The following ZNF556 variants were observed in gnomAD, a reference collection of about 807,000 sequenced individuals.
ZNF556 encodes the protein zinc finger protein 556.
A neutral mutation model predicts 13.6 loss-of-function variants in ZNF556; 11 were observed. That is an observed-to-expected ratio of 0.81 (90% CI 0.51 to 1.33). The LOEUF (loss-of-function observed/expected upper bound fraction) is 1.33, where lower values mean the gene tolerates loss of function less well. Among genes scored for constraint, ZNF556 ranks in the 40% most tolerant of loss-of-function variants. The pLI is 0.00. For synonymous variants in ZNF556, 229 were observed against 207.8 expected (o/e 1.10, Z -0.88); for missense variants, 633 against 566.2 (o/e 1.12, Z -1.20).
chr19:2,870,087 C>T (rs771738886), intron 1 of ZNF556, among the ~76,000 whole-genome samples: 20 of 152,254 alleles, frequency 1.3e-4, no homozygotes, highest in Admixed American at 3.3e-4. Flanking sequence ...ATACTACATT[C>T]GCCATGATTA....
At chr19:2,867,470 G>A (rs1435702923) in intron 1 of ZNF556, 46 bp downstream of exon 1, 2 of 1,571,386 alleles carry the variant, frequency 1.3e-6, no homozygotes, top group South Asian at 1.2e-5. Context: ...CCCTGGGAGG[G>A]GAGGGTTGGA....
rs747122094 is a variant in ZNF556 at position 2,877,735 on chromosome 19, T to TACG, written c.777_778insACG (p.Tyr259_Glu260insThr). 2 of 1,613,392 alleles carry TACG rather than the reference T, an allele frequency of 1.2e-6. No individual in the cohort carries two copies. Among genetic ancestry groups the TACG allele is most frequent in the East Asian group, 4.5e-5 (2 of 44,804 alleles). ...TGATGCACGCCGGAGGGAGACCGTA[T>TACG]GAGTGCAAGCACTGTGGGAAAGCCT... On this transcript the variant is annotated inframe_insertion, in exon 4 of 4. Transcript: ENST00000307635.
chr19:2,871,880 G>C (rs889728805), intron 1 of ZNF556, among the ~76,000 whole-genome samples: 1 of 152,214 alleles, frequency 6.6e-6, no homozygotes, highest in East Asian at 1.9e-4. Context: ...AGGATAAGGA[G>C]TGTGAGCCAT....
intron 1 of ZNF556, among the ~76,000 whole-genome samples, chr19:2,872,081 C>T (rs482730): frequency 0.57 from 86,398 of 151,826 alleles, 26,145 homozygotes; most frequent in African/African-American, 0.79. Flanking sequence ...GCCAGGTGTA[C>T]AGGATGGAAC....
At chr19:2,872,156 G>A (rs543712212) in intron 1 of ZNF556, among the ~76,000 whole-genome samples, 39 of 152,228 alleles carry the variant, frequency 2.6e-4, no homozygotes, top group Middle Eastern at 3.4e-3. Flanking sequence ...TAGGCCTCGG[G>A]ATAACTGCGG....
chr19:2,869,421 C>T (rs1205767554), intron 1 of ZNF556, among the ~76,000 whole-genome samples: 2 of 152,090 alleles, frequency 1.3e-5, no homozygotes, highest in African/African-American at 4.8e-5. Context: ...CGCTGGAGTG[C>T]AGTGGCGCGA....
intron 1 of ZNF556, among the ~76,000 whole-genome samples, chr19:2,868,072 A>G (rs1289155467): frequency 6.6e-6 from 1 of 152,164 alleles, no homozygotes; most frequent in African/African-American, 2.4e-5. Context: ...CTCGTCTTAC[A>G]TTCCATTTGT....
At chr19:2,875,526 C>A in intron 2 of ZNF556, 1 of 164,814 alleles carries the variant, frequency 6.1e-6, no homozygotes, top group South Asian at 1.5e-4. Context: ...ACTGTGTGCT[C>A]CCTTTGGTTC....
At chr19:2,868,100 CT>C (rs973764525) in intron 1 of ZNF556, among the ~76,000 whole-genome samples, 30 of 149,106 alleles carry the variant, frequency 2.0e-4, no homozygotes, top group Non-Finnish European at 2.8e-4. Context: ...TCTAGCGTGC[CT>C]TTTTTTTTTC....
At chr19:2,873,465 T>A (rs1167690194) in intron 1 of ZNF556, 31 bp from the exon 2 acceptor site, 6 of 1,611,468 alleles carry the variant, frequency 3.7e-6, no homozygotes, top group Non-Finnish European at 5.1e-6. Flanking sequence ...TTTTACCCCA[T>A]CCTCATGTAC....
At chr19:2,868,363 C>G (rs2087774820) in intron 1 of ZNF556, among the ~76,000 whole-genome samples, 1 of 152,154 alleles carries the variant, frequency 6.6e-6, no homozygotes. Flanking sequence ...CAGTTATTCT[C>G]CTTTTCCAGG....
intron 2 of ZNF556, chr19:2,875,477 G>A (rs949623572): frequency 2.6e-5 from 4 of 153,246 alleles, no homozygotes; most frequent in African/African-American, 4.8e-5. Context: ...ACAGGCGTGA[G>A]CCACTGCGCC....
chr19:2,873,450 G>A, intron 1 of ZNF556, 46 bp from the exon 2 acceptor site: 1 of 1,605,974 alleles, frequency 6.2e-7, no homozygotes, highest in Non-Finnish European at 8.5e-7. Flanking sequence ...CCGCAGTGCT[G>A]TGAGTTTTAC....
intron 1 of ZNF556, among the ~76,000 whole-genome samples, chr19:2,867,901 G>A (rs1190105748): frequency 2.6e-5 from 4 of 152,106 alleles, no homozygotes; most frequent in African/African-American, 4.8e-5. Flanking sequence ...CCCGCAGGCC[G>A]GACTCCAGCC....
chr19:2,880,702 G>A lies in ZNF556; in HGVS notation c.*2373G>A, dbSNP rs1214451416. 1 of 112,984 alleles carries A rather than the reference G, an allele frequency of 8.9e-6. No homozygotes were observed. The highest frequency in any genetic ancestry group is 2.1e-5 in the Non-Finnish European group (1 of 48,634). 7.0% of individuals were successfully genotyped at this position (112,984 alleles called of 1,614,324 possible). A position where few individuals can be genotyped will look rare whatever the true frequency, so the allele number is the denominator to read the frequency against. On this transcript the variant is annotated 3_prime_UTR_variant, in exon 4 of 4. Coordinates refer to ENST00000307635, the MANE Select transcript of ZNF556 (RefSeq NM_024967.3). ...GAGAATGGCTTGAACCTGGGAGGCG[G>A]AGCTTGCCAAGATTGCGACACTGCA...
At position 2,877,447 on chromosome 19, in the gene ZNF556, A is replaced by G. The variant is rs191337289; in HGVS notation, c.489A>G (p.Ile163Met). The change falls in exon 4 of 4, where the codon ATA (isoleucine) becomes ATG (methionine). Residue 163 changes from isoleucine (I) to methionine (M), a missense_variant. By Grantham distance (10) the Ile-to-Met change is conservative (BLOSUM62 1). Transcript: ENST00000307635. ...GKLFTHSSSL[I>M]RHKRAHSGQK... is the part of the protein sequence containing the mutation. ...TCTTCACCCATTCCTCATCCCTGAT[A>G]AGGCACAAAAGAGCTCACTCTGGAC... 2 of 1,614,206 alleles carry G rather than the reference A, an allele frequency of 1.2e-6. No homozygotes were observed. Among genetic ancestry groups the G allele is most frequent in the Middle Eastern group, 1.6e-4 (1 of 6,062 alleles).
At chr19:2,869,281 T>G (rs1312532415) in intron 1 of ZNF556, among the ~76,000 whole-genome samples, 1 of 152,176 alleles carries the variant, frequency 6.6e-6, no homozygotes, top group African/African-American at 2.4e-5. Context: ...AGCTTTCCTG[T>G]GTGAAATAAT....
rs1056155407 is a variant in ZNF556 at position 2,882,686 on chromosome 19, C to T, written c.*4357C>T. On this transcript the variant is annotated 3_prime_UTR_variant, in exon 4 of 4. Transcript: ENST00000307635. ...TCTCCTGCCTCACCCTCCCAAGTGG[C>T]TGGGAATACAGGCGTGCCCCGCCAC... The T allele has an allele frequency of 2.6e-5, 4 of 152,020 alleles. No individual in the cohort carries two copies. The highest frequency in any genetic ancestry group is 9.7e-5 in the African/African-American group (4 of 41,312). 9.4% of individuals were successfully genotyped at this position (152,020 alleles called of 1,614,324 possible). A position where few individuals can be genotyped will look rare whatever the true frequency, so the allele number is the denominator to read the frequency against.
In ZNF556 at chr19:2,877,658, G is replaced by C; in HGVS notation, c.700G>C (p.Gly234Arg). Residue 234 changes from glycine to arginine, a missense_variant, in exon 4 of 4, where the codon GGG becomes CGG. Gly to Arg is a moderately radical substitution (Grantham distance 125). Transcript: ENST00000307635. ...CACTGGAGAGAAACCCTACGAATGTGGGCAGTGTGGGAAAGGCTTCAGTTG... is the reference window on the plus strand; with the variant it reads ...CACTGGAGAGAAACCCTACGAATGTCGGCAGTGTGGGAAAGGCTTCAGTTG... Reference protein sequence around the residue: ...THTGEKPYECGQCGKGFSCPK... With the variant: ...THTGEKPYECRQCGKGFSCPK... The C allele has an allele frequency of 6.2e-7, 1 of 1,614,214 alleles. No homozygotes were observed. The highest frequency in any genetic ancestry group is 2.2e-5 in the East Asian group (1 of 44,888).
Sources: allele counts gnomAD v4.1 joint callset (sites outside exome capture counted in the v4.1 genomes callset), GRCh38; gene constraint gnomAD v4.1.1; transcripts MANE v1.5; gene names NCBI Gene and HGNC (gene_info 2026-07-23, HGNC 2026-07-21).